Variants in NCKAP5 observed in about 807,000 individuals in gnomAD.
NCKAP5 encodes NCK associated protein 5, also known as nck-associated protein 5.
A neutral mutation model predicts 167.0 loss-of-function variants in NCKAP5; 92 were observed. That is an observed-to-expected ratio of 0.55 (90% CI 0.47 to 0.66). NCKAP5 has a LOEUF of 0.66. NCKAP5 is among the 30% of genes least tolerant of loss of function. The pLI is 0.00. For synonymous variants in NCKAP5, 891 were observed against 877.4 expected, an observed-to-expected ratio of 1.02 and a Z score of -0.27; for missense variants, 2,378 against 2,315.0, an observed-to-expected ratio of 1.03 and a Z score of -0.56.
the NCKAP5 span, among the ~76,000 whole-genome samples, chr2:133,668,328 C>T: frequency 1.3e-5 from 2 of 152,026 alleles, no homozygotes; most frequent in African/African-American, 2.4e-5. Flanking sequence ...TATGGAAACA[C>T]TACGCTTAGC....
At chr2:133,500,972 G>T (rs537082128) in intron 3 of NCKAP5, among the ~76,000 whole-genome samples, 2 of 152,288 alleles carry the variant, frequency 1.3e-5, no homozygotes, top group South Asian at 4.1e-4. Context: ...TTGATGGCTG[G>T]AACCTTGTGT....
chr2:133,468,768 C>T (rs530090166), intron 3 of NCKAP5, among the ~76,000 whole-genome samples: 85 of 152,268 alleles, frequency 5.6e-4, no homozygotes, highest in Middle Eastern at 3.4e-3. Context: ...TATGTAATGG[C>T]CATCTTTGTC....
Position 132,785,577 on chromosome 2 carries a change from T to C in NCKAP5, c.1234A>G (p.Lys412Glu). The C allele has an allele frequency of 6.3e-7, 1 of 1,596,166 alleles. No homozygotes were observed. The change falls in exon 14 of 20, where the codon AAA becomes GAA. Residue 412 changes from lysine to glutamate, a missense_variant. By Grantham distance (56) the Lys-to-Glu change is moderately conservative. Coordinates refer to ENST00000409261, the MANE Select transcript of NCKAP5 (RefSeq NM_207363.3). ...LEGLRKLQKR[K>E]VLLEPPSVIT... is the part of the protein sequence containing the mutation. ...ACTGATGGGGGTTCAAGTAACACTT[T>C]TCGCTTCTGTAGCTTTCTTAGCCCT...
chr2:133,285,411 T>G (rs1349531337), intron 4 of NCKAP5, among the ~76,000 whole-genome samples: 1 of 149,976 alleles, frequency 6.7e-6, no homozygotes, highest in East Asian at 2.0e-4. Context: ...CAGCTCTGCT[T>G]TAAAACTGCT....
intron 3 of NCKAP5, among the ~76,000 whole-genome samples, chr2:133,369,865 ATATT>A (rs1685688325): frequency 6.6e-6 from 1 of 152,252 alleles, no homozygotes; most frequent in Non-Finnish European, 1.5e-5. Flanking sequence ...TAGGCATTCT[ATATT>A]TTGCTTGAAG....
At chr2:133,383,396 C>T (rs1686672919) in intron 3 of NCKAP5, among the ~76,000 whole-genome samples, 1 of 152,170 alleles carries the variant, frequency 6.6e-6, no homozygotes, top group African/African-American at 2.4e-5. Flanking sequence ...GACATGAACT[C>T]ATCCTTTTTA....
chr2:132,781,561 T>C (rs1326321771), intron 14 of NCKAP5, among the ~76,000 whole-genome samples: 1 of 152,226 alleles, frequency 6.6e-6, no homozygotes, highest in African/African-American at 2.4e-5. Flanking sequence ...TTTCCAAGTA[T>C]ATGTTTGCTA....
Position 133,204,869 on chromosome 2 carries a change from A to G in NCKAP5, c.207+8847T>C, listed in dbSNP as rs369588088. Among the ~76,000 whole-genome samples, 24 of 152,328 alleles carry G rather than the reference A, an allele frequency of 1.6e-4. No homozygotes were observed. The East Asian group carries it at 2.3e-3, about 15-fold the overall frequency. On this transcript the variant is annotated intron_variant, in intron 5 of 19. Coordinates refer to ENST00000409261, the MANE Select transcript of NCKAP5 (RefSeq NM_207363.3). ...GCATTTCTCTGAAAGAGAAATTTCAATGTTTATTGGTCATGACACTTTCCT... is the reference window on the plus strand; with the variant it reads ...GCATTTCTCTGAAAGAGAAATTTCAGTGTTTATTGGTCATGACACTTTCCT...
At chr2:132,839,757 CA>C (rs59000613) in intron 11 of NCKAP5, among the ~76,000 whole-genome samples, 9,658 of 63,062 alleles carry the variant, frequency 0.15, 125 homozygotes, top group Non-Finnish European at 0.17. Context: ...GACCTTGTCT[CA>C]AAAAAAAAAA....
intron 6 of NCKAP5, among the ~76,000 whole-genome samples, chr2:133,065,793 C>T (rs1037866822): frequency 6.6e-6 from 1 of 152,154 alleles, no homozygotes; most frequent in Non-Finnish European, 1.5e-5. Context: ...AGATCAGCCT[C>T]CTCAAAGCGG....
intron 4 of NCKAP5, among the ~76,000 whole-genome samples, chr2:133,214,908 A>G (rs2086361740): frequency 6.6e-6 from 1 of 152,236 alleles, no homozygotes; most frequent in Non-Finnish European, 1.5e-5. Context: ...AAGAGAAGTG[A>G]AAACTTCTTC....
chr2:133,249,551 T>G (rs1172378188), intron 4 of NCKAP5, among the ~76,000 whole-genome samples: 2 of 152,198 alleles, frequency 1.3e-5, no homozygotes, highest in Admixed American at 1.3e-4. Context: ...CCAATACACT[T>G]TATCTCTGAT....
chr2:132,711,924 T>C (rs1300989583), intron 19 of NCKAP5, among the ~76,000 whole-genome samples: 1 of 152,086 alleles, frequency 6.6e-6, no homozygotes, highest in African/African-American at 2.4e-5. Context: ...TTATTAGAAA[T>C]GGGGAGAATA....
At chr2:133,603,650 T>C in the NCKAP5 span, among the ~76,000 whole-genome samples, 3 of 151,556 alleles carry the variant, frequency 2.0e-5, no homozygotes, top group Non-Finnish European at 2.9e-5. Context: ...GCGATTCTCC[T>C]GCCTCAGCCT....
At chr2:132,977,277 C>T (rs12477040) in intron 7 of NCKAP5, among the ~76,000 whole-genome samples, 31,701 of 152,158 alleles carry the variant, frequency 0.21, 3,454 homozygotes, top group South Asian at 0.34. Context: ...CTTAACTATT[C>T]TTAAGTACTT....
chr2:133,350,950 C>T (rs987251072), intron 3 of NCKAP5, among the ~76,000 whole-genome samples: 1 of 152,128 alleles, frequency 6.6e-6, no homozygotes, highest in Non-Finnish European at 1.5e-5. Flanking sequence ...AAATCTTCCA[C>T]AGACTAGATC....
chr2:133,237,853 C>T (rs2087495753), intron 4 of NCKAP5, among the ~76,000 whole-genome samples: 1 of 152,196 alleles, frequency 6.6e-6, no homozygotes, highest in Non-Finnish European at 1.5e-5. Flanking sequence ...AAACCTCATG[C>T]ACTCAGACTG....
At chr2:132,797,818 T>C (rs1414166846) in intron 11 of NCKAP5, among the ~76,000 whole-genome samples, 1 of 152,206 alleles carries the variant, frequency 6.6e-6, no homozygotes, top group Non-Finnish European at 1.5e-5. Flanking sequence ...TCCACTAAAA[T>C]GAGTCACATT....
At chr2:132,977,713 G>A (rs879396971) in intron 7 of NCKAP5, among the ~76,000 whole-genome samples, 2 of 152,140 alleles carry the variant, frequency 1.3e-5, no homozygotes, top group Non-Finnish European at 2.9e-5. Context: ...CCACCTATTT[G>A]CACCTAAATG....
Sources: gnomAD v4.1 joint callset for allele counts (sites outside exome capture counted in the v4.1 genomes callset) on GRCh38, gnomAD v4.1.1 for gene constraint, MANE v1.5 for transcripts, NCBI Gene and HGNC (gene_info 2026-07-23, HGNC 2026-07-21) for gene names.